The following ISM1 variants were observed in gnomAD, a reference collection of about 807,000 sequenced individuals.
ISM1 encodes the protein isthmin 1.
In ISM1, 25 loss-of-function variants were observed where a neutral mutation model predicts 46.3. The observed-to-expected ratio is 0.54, with a 90% CI of 0.39 to 0.75. The LOEUF (loss-of-function observed/expected upper bound fraction) is 0.75, where lower values mean the gene tolerates loss of function less well. ISM1 is among the 30% of genes least tolerant of loss of function. The pLI is 0.00. For synonymous variants in ISM1, 255 were observed against 256.7 expected (o/e 0.99, Z 0.06); for missense variants, 536 against 625.4 (o/e 0.86, Z 1.52).
downstream of ISM1, among the ~76,000 whole-genome samples, chr20:13,305,199 T>TA (rs5840562): frequency 7.6e-3 from 1,051 of 137,464 alleles, 8 homozygotes; most frequent in African/African-American, 0.017. Context: ...GTTGAGTTGT[T>TA]AAAAAAAAAA....
chr20:13,253,493 A>G (rs1489926902), intron 1 of ISM1, among the ~76,000 whole-genome samples: 5 of 152,178 alleles, frequency 3.3e-5, no homozygotes, highest in Non-Finnish European at 4.4e-5. Context: ...AGTACCATTC[A>G]GAATGATAGC....
chr20:13,271,834 G>A (rs889504085), intron 2 of ISM1, among the ~76,000 whole-genome samples: 5 of 149,346 alleles, frequency 3.3e-5, no homozygotes, highest in Admixed American at 1.3e-4. Flanking sequence ...GAATACAATG[G>A]CACGATCATA....
At chr20:13,229,615 C>G (rs978932090) in intron 1 of ISM1, among the ~76,000 whole-genome samples, 5 of 152,086 alleles carry the variant, frequency 3.3e-5, no homozygotes, top group Non-Finnish European at 7.4e-5. Flanking sequence ...ATGAGTAAGA[C>G]CATGTTAGTA....
intron 3 of ISM1, among the ~76,000 whole-genome samples, chr20:13,286,021 C>T (rs2040288010): frequency 6.6e-6 from 1 of 152,200 alleles, no homozygotes; most frequent in African/African-American, 2.4e-5. Flanking sequence ...GTACCCACCC[C>T]ACAGGTGATG....
the ISM1 span, among the ~76,000 whole-genome samples, chr20:13,316,235 T>C: frequency 1.3e-5 from 2 of 151,976 alleles, no homozygotes; most frequent in Admixed American, 1.3e-4. Flanking sequence ...CTGCCAAAAT[T>C]CACACAAGAA....
At chr20:13,251,928 A>G (rs938847230) in intron 1 of ISM1, among the ~76,000 whole-genome samples, 3 of 152,072 alleles carry the variant, frequency 2.0e-5, no homozygotes, top group African/African-American at 7.3e-5. Flanking sequence ...ATATCTGCAG[A>G]CTTGGGGAGT....
the ISM1 span, among the ~76,000 whole-genome samples, chr20:13,324,065 A>C: frequency 6.2e-4 from 94 of 152,338 alleles, no homozygotes; most frequent in Non-Finnish European, 1.2e-3. Context: ...TAAGTCGAGA[A>C]GTATTTGCAG....
intron 3 of ISM1, among the ~76,000 whole-genome samples, chr20:13,283,466 A>G (rs7274455): frequency 0.07 from 10,734 of 152,262 alleles, 531 homozygotes; most frequent in East Asian, 0.23. Flanking sequence ...TTTGTCCGCA[A>G]GGATTATTTC....
At chr20:13,241,121 A>T (rs1433053192) in intron 1 of ISM1, among the ~76,000 whole-genome samples, 1 of 152,130 alleles carries the variant, frequency 6.6e-6, no homozygotes, top group Non-Finnish European at 1.5e-5. Context: ...ATGAGGCCAG[A>T]GAAGTGCTCA....
intron 1 of ISM1, among the ~76,000 whole-genome samples, chr20:13,247,531 T>TGG (rs2039812761): frequency 6.6e-6 from 1 of 150,542 alleles, no homozygotes; most frequent in African/African-American, 2.4e-5. Flanking sequence ...TGTGTGTGTG[T>TGG]GTGTGTGTGT....
chr20:13,286,310 C>A (rs1029751570), intron 3 of ISM1, among the ~76,000 whole-genome samples: 1 of 151,674 alleles, frequency 6.6e-6, no homozygotes, highest in African/African-American at 2.4e-5. Context: ...AGACACCAGA[C>A]TGCAAAGTTC....
chr20:13,221,628 G>A lies in ISM1; in HGVS notation c.-149G>A, dbSNP rs902319089. On this transcript the variant is annotated 5_prime_UTR_variant, in exon 1 of 6. Coordinates refer to ENST00000262487, the MANE Select transcript of ISM1 (RefSeq NM_080826.2). ...GCACACCCCGCCGCGCCCAGCGCCA[G>A]CCCCGCGGGCCCGGGAAGCGGAGCC... 1.9e-6 allele frequency: 1 copy of A among 525,336 alleles called. No individual in the cohort carries two copies. Among genetic ancestry groups the A allele is most frequent in the Non-Finnish European group, 2.6e-6 (1 of 385,544 alleles). The allele number at this position is 525,336 out of a possible 1,614,324, so 32.5% of individuals were successfully genotyped here. A position where few individuals can be genotyped will look rare whatever the true frequency, so the allele number is the denominator to read the frequency against.
chr20:13,236,546 A>T (rs1231023297), intron 1 of ISM1, among the ~76,000 whole-genome samples: 1 of 152,162 alleles, frequency 6.6e-6, no homozygotes, highest in East Asian at 1.9e-4. Flanking sequence ...CCAAAGGCTT[A>T]ATTTATTTCA....
chr20:13,325,994 C>G, the ISM1 span, among the ~76,000 whole-genome samples: 2 of 152,208 alleles, frequency 1.3e-5, no homozygotes, highest in Non-Finnish European at 2.9e-5. Flanking sequence ...ACCCTCCCAA[C>G]TCCGGGTAAC....
At chr20:13,254,234 A>AAAAT (rs145810710) in intron 1 of ISM1, among the ~76,000 whole-genome samples, 22,627 of 150,662 alleles carry the variant, frequency 0.15, 1,748 homozygotes, top group East Asian at 0.25. Flanking sequence ...CTCCATCTCA[A>AAAAT]AAATAAATAA....
At chr20:13,247,061 C>T (rs2039802731) in intron 1 of ISM1, among the ~76,000 whole-genome samples, 1 of 152,094 alleles carries the variant, frequency 6.6e-6, no homozygotes, top group South Asian at 2.1e-4. Context: ...CATGGTGAAA[C>T]CCCGTCTCTA....
At chr20:13,308,476 A>G in the ISM1 span, among the ~76,000 whole-genome samples, 2 of 152,148 alleles carry the variant, frequency 1.3e-5, no homozygotes, top group African/African-American at 2.4e-5. Flanking sequence ...TACTTTGCCT[A>G]TATCTAGTAA....
chr20:13,297,202 T>A (rs1282416746), intron 5 of ISM1, among the ~76,000 whole-genome samples: 3 of 152,150 alleles, frequency 2.0e-5, no homozygotes, highest in Non-Finnish European at 4.4e-5. Context: ...AATAAGCTGT[T>A]TTCCAGAATG....
chr20:13,290,864 T>C (rs917873271), intron 4 of ISM1, among the ~76,000 whole-genome samples: 5 of 152,228 alleles, frequency 3.3e-5, no homozygotes, highest in Non-Finnish European at 7.3e-5. Context: ...AACTGAGGCA[T>C]AGAGGATTAA....
Sources: gnomAD v4.1 joint callset for allele counts (sites outside exome capture counted in the v4.1 genomes callset) on GRCh38, gnomAD v4.1.1 for gene constraint, MANE v1.5 for transcripts, NCBI Gene and HGNC (gene_info 2026-07-23, HGNC 2026-07-21) for gene names.